The following ALOX5AP variants were observed in gnomAD, a reference collection of about 807,000 sequenced individuals.
ALOX5AP encodes arachidonate 5-lipoxygenase-activating protein.
ALOX5AP carries 9 observed loss-of-function variants against 18.5 expected under a neutral mutation model. The observed-to-expected ratio is 0.49, with a 90% CI of 0.29 to 0.85. ALOX5AP has a LOEUF of 0.85. ALOX5AP is among the 40% of genes least tolerant of loss of function. ALOX5AP has a pLI of 0.08. For synonymous variants in ALOX5AP, 81 were observed against 78.6 expected, an observed-to-expected ratio of 1.03 and a Z score of -0.16; for missense variants, 172 against 202.5, an observed-to-expected ratio of 0.85 and a Z score of 0.91.
chr13:30,748,004 C>T (rs1287262628), intron 2 of ALOX5AP, among the ~76,000 whole-genome samples: 1 of 152,174 alleles, frequency 6.6e-6, no homozygotes, highest in African/African-American at 2.4e-5. Flanking sequence ...ACTGCAACCT[C>T]TGCCTTCCGG....
chr13:30,762,012 A>T (rs1485410787), intron 4 of ALOX5AP, among the ~76,000 whole-genome samples: 1 of 152,230 alleles, frequency 6.6e-6, no homozygotes, highest in Non-Finnish European at 1.5e-5. Flanking sequence ...AGGATGTCTT[A>T]TCTCATGAAC....
chr13:30,722,128 G>A (rs1165108945), intron 1 of ALOX5AP, among the ~76,000 whole-genome samples: 3 of 152,216 alleles, frequency 2.0e-5, no homozygotes, highest in Non-Finnish European at 4.4e-5. Context: ...CGAAGTTGAA[G>A]GGTGGGATTT....
intron 3 of ALOX5AP, among the ~76,000 whole-genome samples, chr13:30,752,467 C>T (rs371662256): frequency 1.4e-4 from 22 of 152,180 alleles, no homozygotes; most frequent in African/African-American, 3.9e-4. Context: ...ATTTTGGGAC[C>T]GCTGTCACTT....
chr13:30,733,889 C>G (rs1001835246), upstream of ALOX5AP, among the ~76,000 whole-genome samples: 1 of 149,314 alleles, frequency 6.7e-6, no homozygotes, highest in Non-Finnish European at 1.5e-5. Context: ...TCCATCTTCT[C>G]CTGCCCTTGG....
At chr13:30,746,532 A>G (rs1951810692) in intron 2 of ALOX5AP, among the ~76,000 whole-genome samples, 1 of 149,394 alleles carries the variant, frequency 6.7e-6, no homozygotes, top group South Asian at 2.2e-4. Flanking sequence ...AGATCAATGC[A>G]GCAGGCAGCT....
intron 3 of ALOX5AP, among the ~76,000 whole-genome samples, chr13:30,753,669 G>A (rs1165385209): frequency 6.6e-6 from 1 of 152,174 alleles, no homozygotes; most frequent in Non-Finnish European, 1.5e-5. Flanking sequence ...AGTCCCAGAG[G>A]AACAAGTGGC....
chr13:30,738,699 C>T (rs907304948), intron 1 of ALOX5AP, among the ~76,000 whole-genome samples: 1 of 152,164 alleles, frequency 6.6e-6, no homozygotes, highest in Non-Finnish European at 1.5e-5. Context: ...AGGGGAGGGG[C>T]TCAGTGCCCC....
intron 1 of ALOX5AP, among the ~76,000 whole-genome samples, chr13:30,728,971 C>T (rs373099581): frequency 6.6e-6 from 1 of 152,236 alleles, no homozygotes; most frequent in African/African-American, 2.4e-5. Flanking sequence ...CATACCCTTG[C>T]TGACCATTCC....
intron 3 of ALOX5AP, among the ~76,000 whole-genome samples, chr13:30,754,257 T>C (rs1439991668): frequency 1.3e-5 from 2 of 152,160 alleles, no homozygotes; most frequent in African/African-American, 4.8e-5. Flanking sequence ...GTTCACAGTT[T>C]CTCTTTTGCT....
At position 30,752,110 on chromosome 13, in the gene ALOX5AP, C is replaced by A; in HGVS notation, c.229C>A (p.Leu77Ile). 6.2e-7 allele frequency: 1 copy of A among 1,614,148 alleles called. No homozygotes were observed. Among genetic ancestry groups the A allele is most frequent in the Non-Finnish European group, 8.5e-7 (1 of 1,179,994 alleles). Residue 77 changes from leucine (L) to isoleucine (I), a missense_variant, in exon 3 of 5, where the codon CTT (leucine) becomes ATT (isoleucine). Leu to Ile is a conservative substitution (Grantham distance 5). Coordinates refer to ENST00000380490, the MANE Select transcript of ALOX5AP (RefSeq NM_001629.4). ...FLAVLWSAGL[L>I]CSQVPAAFAG... ...CGCTGTGCTCTGGTCTGCGGGGCTA[C>A]TTTGCAGCCAAGGTAACTCAGACTT...
intron 1 of ALOX5AP, among the ~76,000 whole-genome samples, chr13:30,728,794 G>A (rs1286820948): frequency 6.6e-6 from 1 of 152,188 alleles, no homozygotes; most frequent in African/African-American, 2.4e-5. Flanking sequence ...GTTATAGTGA[G>A]CTATGATCAC....
intron 3 of ALOX5AP, among the ~76,000 whole-genome samples, chr13:30,752,437 T>C (rs1593442303): frequency 1.3e-5 from 2 of 152,216 alleles, no homozygotes; most frequent in African/African-American, 2.4e-5. Flanking sequence ...GCATTATAAA[T>C]GAGAGTGCCT....
intron 2 of ALOX5AP, among the ~76,000 whole-genome samples, chr13:30,746,233 A>C (rs917392559): frequency 6.6e-6 from 1 of 152,230 alleles, no homozygotes; most frequent in African/African-American, 2.4e-5. Context: ...AAAAAGCGTA[A>C]GAGGAGAGTG....
At chr13:30,734,313 G>A (rs1355229844), upstream of ALOX5AP, among the ~76,000 whole-genome samples, 2 of 151,904 alleles carry the variant, frequency 1.3e-5, no homozygotes, top group African/African-American at 4.8e-5. Context: ...GGGCATTGAA[G>A]CGGGCCTCTG....
chr13:30,744,954 T>C (rs1428006895), intron 2 of ALOX5AP, among the ~76,000 whole-genome samples: 1 of 152,188 alleles, frequency 6.6e-6, no homozygotes, highest in African/African-American at 2.4e-5. Context: ...AGGAGCAACT[T>C]TGATGTTCCC....
intron 4 of ALOX5AP, among the ~76,000 whole-genome samples, chr13:30,759,667 T>G (rs1951925135): frequency 6.6e-6 from 1 of 152,184 alleles, no homozygotes; most frequent in South Asian, 2.1e-4. Flanking sequence ...GCATCAATGT[T>G]TTAGAGTCTG....
chr13:30,722,222 G>A (rs1385400206), intron 1 of ALOX5AP, among the ~76,000 whole-genome samples: 1 of 152,118 alleles, frequency 6.6e-6, no homozygotes, highest in Non-Finnish European at 1.5e-5. Flanking sequence ...GGTGCAGATG[G>A]CAGACACTTC....
intron 1 of ALOX5AP, among the ~76,000 whole-genome samples, chr13:30,740,007 C>T (rs1566083889): frequency 6.6e-6 from 1 of 152,182 alleles, no homozygotes; most frequent in East Asian, 1.9e-4. Flanking sequence ...TTAGACTGTG[C>T]CTGCTCTTTC....
chr13:30,750,221 C>T (rs1000223991), intron 2 of ALOX5AP, among the ~76,000 whole-genome samples: 3 of 152,262 alleles, frequency 2.0e-5, no homozygotes, highest in Admixed American at 6.5e-5. Context: ...TGAGAATTCA[C>T]ATGGACCTCA....
Sources: allele counts gnomAD v4.1 joint callset (sites outside exome capture counted in the v4.1 genomes callset), GRCh38; gene constraint gnomAD v4.1.1; transcripts MANE v1.5; gene names NCBI Gene and HGNC (gene_info 2026-07-23, HGNC 2026-07-21).